MUSK: variants seen among roughly 807,000 people sequenced by gnomAD.
The protein encoded by MUSK is muscle, skeletal receptor tyrosine-protein kinase.
In MUSK, 55 loss-of-function variants were observed where a neutral mutation model predicts 88.7. That is an observed-to-expected ratio of 0.62 (90% CI 0.50 to 0.78). MUSK has a LOEUF of 0.78. Ranked by LOEUF, MUSK falls within the 30% of genes least tolerant of loss-of-function variation. The pLI, the probability that MUSK is intolerant of heterozygous loss-of-function variation, is 0.00. For missense variants in MUSK, 1,015 were observed against 1,074.3 expected, an observed-to-expected ratio of 0.94 and a Z score of 0.77; for synonymous variants, 387 against 391.9, an observed-to-expected ratio of 0.99 and a Z score of 0.15.
At chr9:110,714,504 T>C (rs2076720001) in intron 5 of MUSK, among the ~76,000 whole-genome samples, 1 of 152,172 alleles carries the variant, frequency 6.6e-6, no homozygotes, top group Non-Finnish European at 1.5e-5. Flanking sequence ...CCTTCAGAGT[T>C]GGAGCCACAG....
rs56126328 is a variant in MUSK at position 110,800,465 on chromosome 9, C to T, written c.2087C>T (p.Pro696Leu). Reference sequence around the variant, plus strand: ...CAGGTCTCCAGCCCTGGGCCCCCACCCCTCTCCTGTGCTGAGCAGCTTTGC... The same window carrying T: ...CAGGTCTCCAGCCCTGGGCCCCCACTCCTCTCCTGTGCTGAGCAGCTTTGC... ...RAQVSSPGPP[P>L]LSCAEQLCIA... Residue 696 changes from proline (P) to leucine (L), a missense_variant, in exon 15 of 15, where the codon CCC becomes CTC. Physicochemically the swap from Pro to Leu is moderately conservative, Grantham distance 98. Transcript: ENST00000374448. The T allele has an allele frequency of 6.2e-7, 1 of 1,613,912 alleles. No individual in the cohort carries two copies. Among genetic ancestry groups the T allele is most frequent in the Non-Finnish European group, 8.5e-7 (1 of 1,179,862 alleles).
chr9:110,799,107 ATTTC>A (rs1277611444), intron 14 of MUSK, among the ~76,000 whole-genome samples: 1 of 152,110 alleles, frequency 6.6e-6, no homozygotes, highest in Non-Finnish European at 1.5e-5. Flanking sequence ...TCCAGTTGGT[ATTTC>A]TTTATTTTTT....
At chr9:110,748,376 T>C in intron 7 of MUSK, among the ~76,000 whole-genome samples, 1 of 152,182 alleles carries the variant, frequency 6.6e-6, no homozygotes, top group Middle Eastern at 3.2e-3. Flanking sequence ...TTTTTACCTG[T>C]GAGCATGATC....
chr9:110,751,295 T>C (rs2077244478), intron 7 of MUSK, among the ~76,000 whole-genome samples: 1 of 152,100 alleles, frequency 6.6e-6, no homozygotes, highest in Non-Finnish European at 1.5e-5. Context: ...AAAAACGGCA[T>C]CTTCCAGTGG....
intron 14 of MUSK, among the ~76,000 whole-genome samples, chr9:110,788,980 G>A (rs2077925639): frequency 6.6e-6 from 1 of 152,220 alleles, no homozygotes; most frequent in Admixed American, 6.5e-5. Flanking sequence ...CTGGAGCAGA[G>A]TGAAAGATGG....
chr9:110,737,112 T>C (rs2077039574), intron 6 of MUSK, among the ~76,000 whole-genome samples: 1 of 152,072 alleles, frequency 6.6e-6, no homozygotes, highest in Non-Finnish European at 1.5e-5. Context: ...CTTAGTTTGT[T>C]ACATCTGTTA....
intron 5 of MUSK, chr9:110,728,343 T>C (rs2076916361): frequency 3.9e-6 from 1 of 255,740 alleles, no homozygotes; most frequent in Non-Finnish European, 7.4e-6. Flanking sequence ...TGTATGAGAA[T>C]AGTAGGCACT....
intron 1 of MUSK, among the ~76,000 whole-genome samples, chr9:110,670,481 C>T (rs1242841465): frequency 6.6e-6 from 1 of 152,052 alleles, no homozygotes; most frequent in Admixed American, 6.5e-5. Context: ...ATTTGTTGTA[C>T]ACACACACAA....
At chr9:110,674,179 T>A (rs565668392) in intron 1 of MUSK, among the ~76,000 whole-genome samples, 1 of 152,280 alleles carries the variant, frequency 6.6e-6, no homozygotes, top group South Asian at 2.1e-4. Context: ...CAAGCTACTA[T>A]CAAATAATGA....
chr9:110,799,146 A>C (rs2078055283), intron 14 of MUSK, among the ~76,000 whole-genome samples: 1 of 152,190 alleles, frequency 6.6e-6, no homozygotes, highest in African/African-American at 2.4e-5. Flanking sequence ...GAAATGTGCT[A>C]ATTGAGGTCC....
At chr9:110,721,621 T>C (rs2131805139) in intron 5 of MUSK, among the ~76,000 whole-genome samples, 1 of 152,276 alleles carries the variant, frequency 6.6e-6, no homozygotes, top group Non-Finnish European at 1.5e-5. Flanking sequence ...ACACATCCCG[T>C]GCTCATAGAT....
At chr9:110,739,350 G>A (rs908204395) in intron 6 of MUSK, among the ~76,000 whole-genome samples, 4 of 152,144 alleles carry the variant, frequency 2.6e-5, no homozygotes, top group Non-Finnish European at 4.4e-5. Flanking sequence ...GTGACAGCAT[G>A]CATGAAGTAT....
At chr9:110,774,738 T>C (rs926018505) in intron 9 of MUSK, among the ~76,000 whole-genome samples, 4 of 152,136 alleles carry the variant, frequency 2.6e-5, no homozygotes, top group Non-Finnish European at 5.9e-5. Context: ...TAAGAATATA[T>C]TTGCATCTCA....
At chr9:110,669,680 A>C (rs1007426554) in intron 1 of MUSK, among the ~76,000 whole-genome samples, 4 of 152,202 alleles carry the variant, frequency 2.6e-5, no homozygotes, top group Non-Finnish European at 4.4e-5. Flanking sequence ...AGTAGCAAGA[A>C]TGTCCAGTGA....
At chr9:110,773,324 C>T (rs560857274) in intron 9 of MUSK, among the ~76,000 whole-genome samples, 175 of 152,132 alleles carry the variant, frequency 1.2e-3, no homozygotes, top group African/African-American at 4.0e-3. Flanking sequence ...ATTAAGTTAG[C>T]ATAATTGTAC....
At chr9:110,729,599 A>G (rs1323072291) in intron 5 of MUSK, among the ~76,000 whole-genome samples, 1 of 151,940 alleles carries the variant, frequency 6.6e-6, no homozygotes, top group Non-Finnish European at 1.5e-5. Flanking sequence ...GTAAAAAAGC[A>G]TTTTACCTGG....
chr9:110,681,628 G>A (rs73536279), intron 1 of MUSK, among the ~76,000 whole-genome samples: 3,422 of 151,996 alleles, frequency 0.023, 125 homozygotes, highest in African/African-American at 0.078. Context: ...AATCGTAAAA[G>A]ACAAAATAAC....
rs1394518742 is a variant in MUSK at position 110,689,673 on chromosome 9, T to C, written c.358+2405T>C. ...TATACCATATAATATACATAGTATA[T>C]TATATATAACTATATATAGTTATAT... On this transcript the variant is annotated intron_variant, in intron 3 of 14. Transcript: ENST00000374448. 4.4e-3 allele frequency among the ~76,000 whole-genome samples: 39 copies of C among 8,846 alleles called. 1 individual carries two copies. Among genetic ancestry groups the C allele is most frequent in the Non-Finnish European group, 1.9e-4 (1 of 5,232 alleles). 5.8% of individuals were successfully genotyped at this position (8,846 alleles called of 152,430 possible).
chr9:110,777,760 C>T (rs2077693786), intron 11 of MUSK, among the ~76,000 whole-genome samples: 1 of 152,010 alleles, frequency 6.6e-6, no homozygotes, highest in African/African-American at 2.4e-5. Context: ...AAAAAGCATC[C>T]ACATTTCTGC....
Sources: gnomAD v4.1 joint callset for allele counts (sites outside exome capture counted in the v4.1 genomes callset) on GRCh38, gnomAD v4.1.1 for gene constraint, MANE v1.5 for transcripts, NCBI Gene and HGNC (gene_info 2026-07-23, HGNC 2026-07-21) for gene names.